The following GNPDA2 variants were observed in gnomAD, a reference collection of about 807,000 sequenced individuals.
GNPDA2 encodes glucosamine-6-phosphate deaminase 2, also known as glcN6P deaminase 2.
In GNPDA2, 24 loss-of-function variants were observed where a neutral mutation model predicts 27.0. That is an observed-to-expected ratio of 0.89 (90% CI 0.64 to 1.25). The LOEUF (loss-of-function observed/expected upper bound fraction) is 1.25. GNPDA2 is among the 50% of genes most tolerant of loss of function. The probability of loss-of-function intolerance (pLI) is 0.00; values close to 1 mark genes in which losing one functional copy is unlikely to be tolerated. For missense variants in GNPDA2, 286 were observed against 335.1 expected, an observed-to-expected ratio of 0.85 and a Z score of 1.14; for synonymous variants, 94 against 108.4, an observed-to-expected ratio of 0.87 and a Z score of 0.83.
In GNPDA2 at chr4:44,702,452, T is replaced by C. The variant is rs749760776; in HGVS notation, c.*629A>G. 2.4e-5 allele frequency: 23 copies of C among 977,016 alleles called. No homozygotes were observed. The highest frequency in any genetic ancestry group is 2.7e-5 in the Non-Finnish European group (22 of 822,026). 60.5% of individuals were successfully genotyped at this position (977,016 alleles called of 1,614,324 possible). A position where few individuals can be genotyped will look rare whatever the true frequency, so the allele number is the denominator to read the frequency against. ...AAATAAGATATTTGTAAAAAAGTGC[T>C]ATAGAAGAAGGTGCACAAAAAACAT... On this transcript the variant is annotated 3_prime_UTR_variant, in exon 7 of 7. Transcript: ENST00000295448.
At chr4:44,706,432 T>C (rs1716610688) in intron 6 of GNPDA2, 1 of 151,898 alleles carries the variant, frequency 6.6e-6, no homozygotes, top group Non-Finnish European at 1.5e-5. Flanking sequence ...AATACAAAAC[T>C]ATATACAAAG....
chr4:44,706,532 T>C (rs1716617474), intron 6 of GNPDA2: 1 of 151,990 alleles, frequency 6.6e-6, no homozygotes, highest in Admixed American at 6.6e-5. Context: ...ATTTGCCATA[T>C]TCACACATAT....
intron 6 of GNPDA2, chr4:44,704,410 C>T (rs1048934168): frequency 1.3e-4 from 119 of 934,780 alleles, no homozygotes; most frequent in Non-Finnish European, 1.3e-4. Flanking sequence ...ACTTTGATTA[C>T]GGAAAGAATA....
chr4:44,707,922 A>T lies in GNPDA2; in HGVS notation c.599T>A (p.Met200Lys), dbSNP rs776685920. 5.7e-6 allele frequency: 9 copies of T among 1,570,330 alleles called. No individual in the cohort carries two copies. The highest frequency in any genetic ancestry group is 6.9e-6 in the Non-Finnish European group (8 of 1,154,770). ...VGTVMDAREV[M>K]ILITGAHKAF... ...CTTGTGTGCCCCTGTTATAAGGATC[A>T]TTACCTGAAAAATTATGAACATCAA... Residue 200 changes from methionine (M) to lysine (K), a missense_variant, in exon 6 of 7, where the codon ATG becomes AAG. Physicochemically the swap from Met to Lys is moderately conservative, Grantham distance 95. Transcript: ENST00000295448.
intron 2 of GNPDA2, among the ~76,000 whole-genome samples, chr4:44,719,908 T>A (rs1289120396): frequency 6.6e-6 from 1 of 152,156 alleles, no homozygotes; most frequent in Non-Finnish European, 1.5e-5. Flanking sequence ...TTAAGACATT[T>A]TCTTTAAGAA....
chr4:44,716,818 A>G (rs1717320544), intron 4 of GNPDA2, among the ~76,000 whole-genome samples: 1 of 151,894 alleles, frequency 6.6e-6, no homozygotes, highest in African/African-American at 2.4e-5. Flanking sequence ...TCATTTTGAA[A>G]GATGTGGTAA....
At chr4:44,722,341 A>C (rs1717725617) in intron 1 of GNPDA2, 99 bp from the exon 2 acceptor site, 2 of 815,636 alleles carry the variant, frequency 2.5e-6, no homozygotes, top group Non-Finnish European at 3.7e-6. Context: ...GCACTGAAAC[A>C]GAATATACTG....
Position 44,710,609 on chromosome 4 carries a change from A to G in GNPDA2, c.594+344T>C, listed in dbSNP as rs541773181. On this transcript the variant is annotated intron_variant, in intron 5 of 6. Transcript: ENST00000295448. ...GCTCCAAAAAAGATGTAGTGTAACT[A>G]GCATTGCATCATTGTCCCAACAGTC... Among the ~76,000 whole-genome samples, 19 of 152,328 alleles carry G rather than the reference A, an allele frequency of 1.2e-4. 1 individual carries two copies. In the East Asian group the frequency reaches 3.5e-3, roughly 28 times the overall value.
At chr4:44,711,982 T>G (rs1717011436) in intron 4 of GNPDA2, among the ~76,000 whole-genome samples, 1 of 152,140 alleles carries the variant, frequency 6.6e-6, no homozygotes, top group African/African-American at 2.4e-5. Context: ...ATATTGATTT[T>G]ATGATATAAT....
At chr4:44,704,385 T>G in intron 6 of GNPDA2, 1 of 949,692 alleles carries the variant, frequency 1.1e-6, no homozygotes, top group Non-Finnish European at 1.3e-6. Flanking sequence ...AGTATTCATC[T>G]GTCATTTGCT....
intron 6 of GNPDA2, chr4:44,704,363 T>C (rs1716457614): frequency 2.1e-6 from 2 of 951,122 alleles, no homozygotes; most frequent in African/African-American, 1.8e-5. Flanking sequence ...AGGATCGTTT[T>C]TCTACTTAAA....
chr4:44,717,504 A>G (rs573825671), intron 3 of GNPDA2, among the ~76,000 whole-genome samples: 1 of 151,922 alleles, frequency 6.6e-6, no homozygotes, highest in South Asian at 2.1e-4. Context: ...ATGGAACACT[A>G]TTATCTCATT....
chr4:44,716,090 C>A (rs1449924226), intron 4 of GNPDA2, among the ~76,000 whole-genome samples: 4 of 151,932 alleles, frequency 2.6e-5, no homozygotes, highest in South Asian at 2.1e-4. Context: ...TCCTCTTTTA[C>A]AAATGATGTA....
chr4:44,707,898 T>G lies in GNPDA2; in HGVS notation c.623A>C (p.Lys208Thr). The G allele has an allele frequency of 6.2e-7, 1 of 1,606,370 alleles. No individual in the cohort carries two copies. Among genetic ancestry groups the G allele is most frequent in the Non-Finnish European group, 8.5e-7 (1 of 1,175,368 alleles). ...EVMILITGAH[K>T]AFALYKAIEE... ...TATTGCTTTGTACAGGGCAAATGCC[T>G]TGTGTGCCCCTGTTATAAGGATCAT... Residue 208 changes from lysine (K) to threonine (T), a missense_variant, in exon 6 of 7, where the codon AAG becomes ACG. Transcript: ENST00000295448.
chr4:44,721,405 T>C (rs1717659762), intron 2 of GNPDA2, among the ~76,000 whole-genome samples: 1 of 152,096 alleles, frequency 6.6e-6, no homozygotes, highest in African/African-American at 2.4e-5. Flanking sequence ...ACAAATGCCT[T>C]GTAGTCAATA....
Position 44,701,957 on chromosome 4 carries a change from A to C in GNPDA2, c.*1124T>G. The C allele has an allele frequency of 1.0e-6, 1 of 985,032 alleles. No individual in the cohort carries two copies. Among genetic ancestry groups the C allele is most frequent in the Non-Finnish European group, 1.2e-6 (1 of 829,632 alleles). 61.0% of individuals were successfully genotyped at this position (985,032 alleles called of 1,614,324 possible). ...CAAGCAGATAAGTAAGGCTTCTTCT[A>C]CCAGGTGGGCTTATGAAATGCAAAA... On this transcript the variant is annotated 3_prime_UTR_variant, in exon 7 of 7. Coordinates refer to ENST00000295448, the MANE Select transcript of GNPDA2 (RefSeq NM_138335.3).
chr4:44,707,771 T>C lies in GNPDA2; in HGVS notation c.750A>G (p.Lys250=). The change falls in exon 6 of 7, where the codon AAA becomes AAG. Residue 250 remains lysine (K), a synonymous_variant. Transcript: ENST00000295448. ...GCTCACCTTTAAAGTATTTCACAGT[T>C]TTAACTCTTAATTCTAAAGTAGCAT... is the stretch of plus-strand genomic sequence containing the variant. ...DEDATLELRV[K]TVKYFKGLMH... 6.2e-7 allele frequency: 1 copy of C among 1,613,036 alleles called. No individual in the cohort carries two copies. The highest frequency in any genetic ancestry group is 8.5e-7 in the Non-Finnish European group (1 of 1,179,460).
At chr4:44,710,881 GCAT>G (rs1229738810) in intron 5 of GNPDA2, 69 bp downstream of exon 5, 5 of 1,186,042 alleles carry the variant, frequency 4.2e-6, no homozygotes, top group East Asian at 5.1e-5. Flanking sequence ...CACTTATTCA[GCAT>G]CATAACTCCT....
chr4:44,704,490 T>G, intron 6 of GNPDA2: 1 of 765,188 alleles, frequency 1.3e-6, no homozygotes, highest in Non-Finnish European at 1.6e-6. Context: ...TTTATAAAAT[T>G]TTTTTCTTTA....
Sources: allele counts gnomAD v4.1 joint callset (sites outside exome capture counted in the v4.1 genomes callset), GRCh38; gene constraint gnomAD v4.1.1; transcripts MANE v1.5; gene names NCBI Gene and HGNC (gene_info 2026-07-23, HGNC 2026-07-21).